Variants in UBE2E2 observed in about 807,000 individuals in gnomAD.
The protein encoded by UBE2E2 is ubiquitin conjugating enzyme E2 E2, also known as ubiquitin-conjugating enzyme E2 E2.
Under a neutral mutation model 24.7 loss-of-function variants are expected in UBE2E2, and 6 were observed. The ratio of observed to expected loss-of-function variants is 0.24; its 90% CI spans 0.13 to 0.48. The LOEUF (loss-of-function observed/expected upper bound fraction) is 0.48, where lower values mean the gene tolerates loss of function less well. Among genes scored for constraint, UBE2E2 ranks in the 20% least tolerant of loss-of-function variants. The pLI is 0.99. For missense variants in UBE2E2, 169 were observed against 245.0 expected, an observed-to-expected ratio of 0.69 and a Z score of 2.07; for synonymous variants, 104 against 83.6, an observed-to-expected ratio of 1.24 and a Z score of -1.33.
intron 5 of UBE2E2, among the ~76,000 whole-genome samples, chr3:23,568,595 A>G (rs1262782297): frequency 3.5e-5 from 3 of 86,910 alleles, no homozygotes; most frequent in African/African-American, 1.4e-4. Context: ...TTATATACAT[A>G]TATATGTATA....
At position 23,204,578 on chromosome 3, in the gene UBE2E2, T is replaced by A. The variant is rs1162476629; in HGVS notation, c.-9+1114T>A. 1.5e-5 allele frequency: 8 copies of A among 527,260 alleles called. No individual in the cohort carries two copies. In the Admixed American group the frequency reaches 1.9e-4, roughly 13 times the overall value. The allele number at this position is 527,260 out of a possible 1,614,324, so 32.7% of individuals were successfully genotyped here. A position where few individuals can be genotyped will look rare whatever the true frequency, so the allele number is the denominator to read the frequency against. ...CTTTGTGAATCTAAATATTTGCCTT[T>A]ACTACGGCAATTTGGATGCTCCTTG... is the stretch of plus-strand genomic sequence containing the variant. On this transcript the variant is annotated intron_variant, in intron 1 of 5. Coordinates refer to ENST00000396703, the MANE Select transcript of UBE2E2 (RefSeq NM_152653.4).
chr3:23,233,419 A>G (rs961192392), intron 3 of UBE2E2, among the ~76,000 whole-genome samples: 1 of 152,152 alleles, frequency 6.6e-6, no homozygotes, highest in Non-Finnish European at 1.5e-5. Context: ...GAATAGATAA[A>G]TTTGCATTTT....
intron 3 of UBE2E2, among the ~76,000 whole-genome samples, chr3:23,482,074 A>G (rs909890986): frequency 1.3e-5 from 2 of 152,252 alleles, no homozygotes; most frequent in Non-Finnish European, 2.9e-5. Flanking sequence ...AAGCTAGGGC[A>G]TAATAGACCA....
At chr3:23,417,151 A>G (rs947908045) in intron 3 of UBE2E2, among the ~76,000 whole-genome samples, 6 of 152,170 alleles carry the variant, frequency 3.9e-5, no homozygotes, top group African/African-American at 1.4e-4. Flanking sequence ...TGGAATTCTC[A>G]GCCTTTTTGT....
chr3:23,336,004 A>G (rs1297210472), intron 3 of UBE2E2, among the ~76,000 whole-genome samples: 2 of 152,214 alleles, frequency 1.3e-5, no homozygotes, highest in Non-Finnish European at 1.5e-5. Context: ...TCTCTCAGAC[A>G]TGAGTGATTA....
At chr3:23,359,044 A>C (rs1232006163) in intron 3 of UBE2E2, among the ~76,000 whole-genome samples, 3 of 152,222 alleles carry the variant, frequency 2.0e-5, no homozygotes, top group Non-Finnish European at 4.4e-5. Context: ...GGGGATGATC[A>C]TGAAGCAGCC....
rs17403650 is a variant in UBE2E2 at position 23,321,398 on chromosome 3, A to T, written c.227+104086A>T. 2.0e-5 allele frequency among the ~76,000 whole-genome samples: 3 copies of T among 151,068 alleles called. No homozygotes were observed. In the South Asian group the frequency reaches 6.3e-4, roughly 32 times the overall value. On this transcript the variant is annotated intron_variant, in intron 3 of 5. Coordinates refer to ENST00000396703, the MANE Select transcript of UBE2E2 (RefSeq NM_152653.4). ...CGATAGAAACTGATGTTGCCATCCAACTCCCGGCATCTAGTAGGGAGAGTC... is the reference window on the plus strand; with the variant it reads ...CGATAGAAACTGATGTTGCCATCCATCTCCCGGCATCTAGTAGGGAGAGTC...
intron 3 of UBE2E2, among the ~76,000 whole-genome samples, chr3:23,296,395 A>C (rs1183519328): frequency 6.6e-6 from 1 of 152,044 alleles, no homozygotes; most frequent in Non-Finnish European, 1.5e-5. Context: ...TACATGTGCC[A>C]TGCTGGTATG....
intron 4 of UBE2E2, among the ~76,000 whole-genome samples, chr3:23,507,953 T>C (rs1694494149): frequency 1.3e-5 from 2 of 152,214 alleles, no homozygotes; most frequent in South Asian, 4.1e-4. Context: ...CGTTAAATAA[T>C]AAATATTGAT....
intron 3 of UBE2E2, among the ~76,000 whole-genome samples, chr3:23,392,183 C>T (rs1286695787): frequency 6.6e-6 from 1 of 152,054 alleles, no homozygotes; most frequent in Non-Finnish European, 1.5e-5. Context: ...GAATGGAAAG[C>T]CCTCTTTTAA....
chr3:23,446,764 A>T (rs1416828881), intron 3 of UBE2E2, among the ~76,000 whole-genome samples: 1 of 143,570 alleles, frequency 7.0e-6, no homozygotes, highest in Non-Finnish European at 1.5e-5. Flanking sequence ...TATGGTGAGG[A>T]CCACCACCCC....
At chr3:23,570,076 C>A (rs1696186820) in intron 5 of UBE2E2, among the ~76,000 whole-genome samples, 1 of 152,142 alleles carries the variant, frequency 6.6e-6, no homozygotes, top group South Asian at 2.1e-4. Flanking sequence ...TTTTTAAACT[C>A]CCATCTTATA....
At chr3:23,231,553 T>C (rs1210262233) in intron 3 of UBE2E2, among the ~76,000 whole-genome samples, 1 of 152,212 alleles carries the variant, frequency 6.6e-6, no homozygotes, top group Non-Finnish European at 1.5e-5. Context: ...CAATCAGTTC[T>C]TGAAATCATC....
At chr3:23,401,258 G>A (rs770188798) in intron 3 of UBE2E2, among the ~76,000 whole-genome samples, 3 of 152,184 alleles carry the variant, frequency 2.0e-5, no homozygotes, top group Non-Finnish European at 4.4e-5. Flanking sequence ...AGAGAAATGA[G>A]CAGGAGTTAG....
intron 3 of UBE2E2, among the ~76,000 whole-genome samples, chr3:23,395,348 A>G (rs1475629707): frequency 6.6e-6 from 1 of 152,228 alleles, no homozygotes; most frequent in Non-Finnish European, 1.5e-5. Context: ...GAAGGGTAAG[A>G]TGAGAGAAAC....
intron 3 of UBE2E2, among the ~76,000 whole-genome samples, chr3:23,402,004 G>A (rs1408406599): frequency 1.3e-5 from 2 of 151,880 alleles, no homozygotes; most frequent in Admixed American, 6.6e-5. Context: ...TTACAGGCGT[G>A]CACTACCACG....
intron 4 of UBE2E2, among the ~76,000 whole-genome samples, chr3:23,500,610 A>G (rs1472301016): frequency 2.0e-5 from 3 of 152,210 alleles, no homozygotes; most frequent in African/African-American, 7.2e-5. Flanking sequence ...CAGGGATAGA[A>G]AACTTGTTTG....
intron 3 of UBE2E2, among the ~76,000 whole-genome samples, chr3:23,470,977 C>T (rs1022602412): frequency 1.3e-5 from 2 of 152,150 alleles, no homozygotes; most frequent in African/African-American, 4.8e-5. Flanking sequence ...GTAACCCTTT[C>T]TTCACACAAA....
At chr3:23,346,600 A>C (rs1695564194) in intron 3 of UBE2E2, among the ~76,000 whole-genome samples, 1 of 152,240 alleles carries the variant, frequency 6.6e-6, no homozygotes, top group African/African-American at 2.4e-5. Flanking sequence ...TTGCATATTA[A>C]TTAATAAGAT....
Sources: allele counts gnomAD v4.1 joint callset (sites outside exome capture counted in the v4.1 genomes callset), GRCh38; gene constraint gnomAD v4.1.1; transcripts MANE v1.5; gene names NCBI Gene and HGNC (gene_info 2026-07-23, HGNC 2026-07-21).